BSDC1: variants seen among roughly 807,000 people sequenced by gnomAD.
BSDC1 encodes the protein BSD domain-containing protein 1.
A neutral mutation model predicts 56.0 loss-of-function variants in BSDC1; 29 were observed. That is an observed-to-expected ratio of 0.52 (90% CI 0.39 to 0.71). The LOEUF (loss-of-function observed/expected upper bound fraction) is 0.71, where lower values mean the gene tolerates loss of function less well. BSDC1 is among the 30% of genes least tolerant of loss of function. BSDC1 has a pLI of 0.00. For missense variants in BSDC1, 477 were observed against 548.5 expected (o/e 0.87, Z 1.30); for synonymous variants, 210 against 215.3 (o/e 0.98, Z 0.21).
At chr1:32,376,917 G>T (rs1408631736) in intron 8 of BSDC1, among the ~76,000 whole-genome samples, 176 bp from the exon 9 acceptor site, 1 of 152,134 alleles carries the variant, frequency 6.6e-6, no homozygotes, top group African/African-American at 2.4e-5. Context: ...GATCACCTGA[G>T]GTCAGGAGTT....
intron 5 of BSDC1, among the ~76,000 whole-genome samples, chr1:32,380,244 C>T (rs1642435093): frequency 6.6e-6 from 1 of 152,208 alleles, no homozygotes; most frequent in Non-Finnish European, 1.5e-5. Flanking sequence ...TTTAACCCGG[C>T]GTTACTAAAA....
intron 2 of BSDC1, among the ~76,000 whole-genome samples, chr1:32,392,370 C>T (rs1271058801): frequency 6.6e-6 from 1 of 152,002 alleles, no homozygotes; most frequent in Non-Finnish European, 1.5e-5. Flanking sequence ...TGCCCAAGTA[C>T]ATATAAGAGT....
rs777929685 is a variant in BSDC1, at chr1:32,383,889, C to T, written c.298G>A (p.Asp100Asn). The T allele has an allele frequency of 9.9e-6, 16 of 1,612,234 alleles. No homozygotes were observed. Among genetic ancestry groups the T allele is most frequent in the Admixed American group, 3.3e-5 (2 of 59,988 alleles). ...APSPDKTIDC[D>N]VITLMGTPSG... ...GGTGTGCCCATCAGGGTGATGACAT[C>T]GCAGTCGATGGTTTTGTCTGGCGAA... Residue 100 changes from aspartate to asparagine, a missense_variant, in exon 4 of 11, where the codon GAT becomes AAT. Transcript: ENST00000455895.
intron 9 of BSDC1, among the ~76,000 whole-genome samples, chr1:32,374,127 GA>G (rs1185658515): frequency 6.6e-6 from 1 of 152,090 alleles, no homozygotes; most frequent in Non-Finnish European, 1.5e-5. Context: ...AGAAATATGA[GA>G]AAAAGTACAC....
chr1:32,384,930 C>T (rs1373642926), intron 3 of BSDC1, among the ~76,000 whole-genome samples: 1 of 152,016 alleles, frequency 6.6e-6, no homozygotes, highest in African/African-American at 2.4e-5. Context: ...AGCAGTTTAG[C>T]AGGGTTACAA....
At chr1:32,368,224 G>A (rs989117427) in intron 10 of BSDC1, 6 of 1,466,312 alleles carry the variant, frequency 4.1e-6, no homozygotes, top group Non-Finnish European at 5.4e-6. Flanking sequence ...CAGAGCTAAG[G>A]TCAAGAACTT....
rs773908813 is a variant in BSDC1, at chr1:32,394,400, T to C, written c.11+4A>G. 1.2e-6 allele frequency: 2 copies of C among 1,613,568 alleles called. No individual in the cohort carries two copies. The highest frequency in any genetic ancestry group is 1.3e-5 in the African/African-American group (1 of 74,678). ...AACGCCTAGGAGCAAAACGACAAGCTCACCCTTCCGCCATCTTGCCTGCAT... is the reference window on the plus strand; with the variant it reads ...AACGCCTAGGAGCAAAACGACAAGCCCACCCTTCCGCCATCTTGCCTGCAT... On this transcript the variant is annotated splice_donor_region_variant and intron_variant, in intron 1 of 10. Transcript: ENST00000455895.
At chr1:32,380,117 G>A (rs1186946592) in intron 5 of BSDC1, among the ~76,000 whole-genome samples, 1 of 152,216 alleles carries the variant, frequency 6.6e-6, no homozygotes, top group Non-Finnish European at 1.5e-5. Context: ...GAGGTCTAGA[G>A]CTACTACTGT....
chr1:32,378,772 T>G lies in BSDC1; in HGVS notation c.480A>C (p.Ser160=), dbSNP rs1180299828. ...FCLEEKKGEI[S]ELLVGSPSIR... ...TGGAGGGGCTGCCTACAAGGAGCTC[T>G]GAGATCTCCCCCTTCTTCTCCTCCA... The change falls in exon 6 of 11, where the codon TCA becomes TCC. Residue 160 remains serine (S), a synonymous_variant. Coordinates refer to ENST00000455895, the MANE Select transcript of BSDC1 (RefSeq NM_018045.8). This position sits in a 1 kb window ranked among gnomAD's most constrained non-coding sequence, Gnocchi z 5.2. 5.2e-6 allele frequency: 8 copies of G among 1,553,192 alleles called. No homozygotes were observed. In the East Asian group the frequency reaches 1.9e-4, roughly 38 times the overall value.
chr1:32,369,112 C>T, intron 9 of BSDC1: 1 of 413,146 alleles, frequency 2.4e-6, no homozygotes, highest in Non-Finnish European at 4.3e-6. Context: ...AATCTGAAAG[C>T]CCACTGACAG....
intron 3 of BSDC1, among the ~76,000 whole-genome samples, chr1:32,386,008 T>C (rs888549435): frequency 6.6e-6 from 1 of 151,906 alleles, no homozygotes; most frequent in African/African-American, 2.4e-5. Flanking sequence ...CACTCTAGAA[T>C]AAGGTTTGCA....
Position 32,384,033 on chromosome 1 carries a change from G to C in BSDC1, c.190-36C>G, listed in dbSNP as rs144370018. The C allele has an allele frequency of 2.5e-6, 4 of 1,612,522 alleles. No homozygotes were observed. Among genetic ancestry groups the C allele is most frequent in the Non-Finnish European group, 3.4e-6 (4 of 1,179,986 alleles). On this transcript the variant is annotated intron_variant, in intron 3 of 10. Coordinates refer to ENST00000455895, the MANE Select transcript of BSDC1 (RefSeq NM_018045.8). ...AACGGGCAGAGGAAGCAAGCGCCCC[G>C]GGAACAGGCTGCAATCTGGGGTATG...
chr1:32,388,888 T>C (rs1007588142), intron 2 of BSDC1, among the ~76,000 whole-genome samples: 3 of 152,082 alleles, frequency 2.0e-5, no homozygotes, highest in Non-Finnish European at 2.9e-5. Flanking sequence ...TTCATTTCCC[T>C]AGAGGGGCTT....
intron 10 of BSDC1, 40 bp downstream of exon 10, chr1:32,368,407 C>T (rs1188882977): frequency 1.2e-6 from 2 of 1,614,182 alleles, no homozygotes; most frequent in African/African-American, 2.7e-5. Flanking sequence ...CACCCAGGAC[C>T]ATTAGGCTCG....
chr1:32,392,300 A>G (rs566466494), intron 2 of BSDC1, among the ~76,000 whole-genome samples: 1 of 152,338 alleles, frequency 6.6e-6, no homozygotes, highest in African/African-American at 2.4e-5. Flanking sequence ...ACTGCACTCC[A>G]GCCTGGTAAC....
chr1:32,368,911 G>GCTGGT, intron 9 of BSDC1, among the ~76,000 whole-genome samples: 1 of 152,094 alleles, frequency 6.6e-6, no homozygotes, highest in Middle Eastern at 3.2e-3. Flanking sequence ...TGTTGGCCAG[G>GCTGGT]CTGGTTTCAA....
rs192615613 is a variant in BSDC1 at position 32,386,807 on chromosome 1, G to A, written c.161C>T (p.Thr54Met). The A allele has an allele frequency of 3.2e-5, 52 of 1,612,760 alleles. No individual in the cohort carries two copies. In the Admixed American group the frequency reaches 4.8e-4, roughly 15 times the overall value. The change falls in exon 3 of 11, where the codon ACG becomes ATG. Residue 54 changes from threonine to methionine, a missense_variant. By Grantham distance (81) the Thr-to-Met change is moderately conservative. Coordinates refer to ENST00000455895, the MANE Select transcript of BSDC1 (RefSeq NM_018045.8). ...CAGCTTCTCCTTGACCACGCTGGCC[G>A]TGGCTGCGATGGTACAGGCCGTGTC... ...QHDTACTIAA[T>M]ASVVKEKLAT...
At chr1:32,375,648 G>GGGT (rs1450539376) in intron 9 of BSDC1, among the ~76,000 whole-genome samples, 21 of 152,274 alleles carry the variant, frequency 1.4e-4, no homozygotes, top group South Asian at 4.2e-4. Context: ...GTAAATTCAT[G>GGGT]GGTGTTCATT....
chr1:32,384,035 GA>G, intron 3 of BSDC1, 38 bp from the exon 4 acceptor site: 12 of 1,612,576 alleles, frequency 7.4e-6, no homozygotes, highest in Non-Finnish European at 8.5e-6. Context: ...AGCGCCCCGG[GA>G]ACAGGCTGCA....
Sources: allele counts gnomAD v4.1 joint callset (sites outside exome capture counted in the v4.1 genomes callset), GRCh38; gene constraint gnomAD v4.1.1; non-coding constraint Gnocchi (gnomAD v3.1); transcripts MANE v1.5; gene names NCBI Gene and HGNC (gene_info 2026-07-23, HGNC 2026-07-21).